CACNA2D3: variants seen among roughly 807,000 people sequenced by gnomAD.
CACNA2D3 encodes voltage-dependent calcium channel subunit alpha-2/delta-3.
CACNA2D3 carries 60 observed loss-of-function variants against 160.6 expected under a neutral mutation model. The ratio of observed to expected loss-of-function variants is 0.37; its 90% CI spans 0.30 to 0.46. The LOEUF is 0.46. CACNA2D3 is among the 20% of genes least tolerant of loss of function. The probability of loss-of-function intolerance (pLI) is 1.00; values close to 1 mark genes in which losing one functional copy is unlikely to be tolerated. For synonymous variants in CACNA2D3, 558 were observed against 492.9 expected (o/e 1.13, Z -1.75); for missense variants, 1,205 against 1,365.0 (o/e 0.88, Z 1.85).
chr3:54,994,053 C>T (rs976817729), intron 31 of CACNA2D3, among the ~76,000 whole-genome samples: 7 of 151,992 alleles, frequency 4.6e-5, no homozygotes, highest in East Asian at 1.9e-4. Context: ...ATGTCCTTGT[C>T]GCTGCACCCC....
At chr3:54,690,045 T>A (rs1221044463) in intron 11 of CACNA2D3, among the ~76,000 whole-genome samples, 1 of 152,036 alleles carries the variant, frequency 6.6e-6, no homozygotes, top group Non-Finnish European at 1.5e-5. Context: ...AACTTTGCAC[T>A]GGTTGTATCA....
intron 2 of CACNA2D3, among the ~76,000 whole-genome samples, chr3:54,179,619 C>T (rs149653280): frequency 2.0e-5 from 3 of 152,212 alleles, no homozygotes; most frequent in East Asian, 1.9e-4. Flanking sequence ...ATGTTAAAAC[C>T]GAATTTGTAT....
intron 4 of CACNA2D3, among the ~76,000 whole-genome samples, chr3:54,479,299 T>C (rs1408705500): frequency 1.3e-5 from 2 of 152,180 alleles, no homozygotes. Flanking sequence ...CTTTCCTTTA[T>C]AAATTACCCA....
At chr3:54,843,501 G>A (rs986519087) in intron 16 of CACNA2D3, among the ~76,000 whole-genome samples, 1 of 152,200 alleles carries the variant, frequency 6.6e-6, no homozygotes, top group Non-Finnish European at 1.5e-5. Flanking sequence ...TGTGCCTTGA[G>A]TGGCAGTGAG....
intron 13 of CACNA2D3, among the ~76,000 whole-genome samples, chr3:54,814,418 G>C (rs963285190): frequency 6.6e-6 from 1 of 152,212 alleles, no homozygotes; most frequent in African/African-American, 2.4e-5. Context: ...GTATCTGGCT[G>C]GTCTGGCCCC....
At chr3:54,264,491 A>T (rs751205834) in intron 2 of CACNA2D3, among the ~76,000 whole-genome samples, 26 of 152,076 alleles carry the variant, frequency 1.7e-4, no homozygotes, top group Admixed American at 3.3e-4. Context: ...TTTTCTTCTT[A>T]TTTGGACCTA....
chr3:54,630,752 C>CT (rs1230798077), intron 10 of CACNA2D3, among the ~76,000 whole-genome samples: 87 of 152,262 alleles, frequency 5.7e-4, no homozygotes, highest in African/African-American at 1.8e-3. Flanking sequence ...ACATGGTGGA[C>CT]TTTTTTATCC....
At chr3:54,338,637 G>A (rs768884801) in intron 3 of CACNA2D3, among the ~76,000 whole-genome samples, 5 of 152,158 alleles carry the variant, frequency 3.3e-5, no homozygotes, top group African/African-American at 7.2e-5. Flanking sequence ...AGGGCTTGTC[G>A]CTTATGGGCC....
rs1284015731 is a variant in CACNA2D3 at position 54,236,444 on chromosome 3, T to C, written c.205-83998T>C. 2.0e-5 allele frequency among the ~76,000 whole-genome samples: 3 copies of C among 152,180 alleles called. No individual in the cohort carries two copies. In the East Asian group the frequency reaches 5.8e-4, roughly 29 times the overall value. On this transcript the variant is annotated intron_variant, in intron 2 of 37. Transcript: ENST00000474759. The stretch of plus-strand genomic sequence containing the variant: ...ATGGCCTTAGCAATTATTCTGTAAA[T>C]CTAAAACTATTCTGAGATAAAGAAG...
intron 35 of CACNA2D3, among the ~76,000 whole-genome samples, chr3:55,050,018 C>G (rs1345792816): frequency 6.6e-6 from 1 of 151,076 alleles, no homozygotes; most frequent in South Asian, 2.1e-4. Context: ...AGATGGGTTT[C>G]CTGAATACAG....
At chr3:54,656,414 C>T (rs1699875297) in intron 11 of CACNA2D3, among the ~76,000 whole-genome samples, 2 of 152,236 alleles carry the variant, frequency 1.3e-5, no homozygotes, top group African/African-American at 4.8e-5. Context: ...CCAACAGAGG[C>T]TGCTGGTCTC....
intron 24 of CACNA2D3, among the ~76,000 whole-genome samples, chr3:54,888,837 T>C (rs1404805751): frequency 6.6e-6 from 1 of 152,222 alleles, no homozygotes; most frequent in East Asian, 1.9e-4. Context: ...CTTGACTGTG[T>C]GTCTGTTATG....
intron 27 of CACNA2D3, among the ~76,000 whole-genome samples, chr3:54,909,429 A>C (rs1700512496): frequency 6.6e-6 from 1 of 151,974 alleles, no homozygotes; most frequent in South Asian, 2.1e-4. Flanking sequence ...TTAAGACTAG[A>C]ATATATGTGA....
intron 4 of CACNA2D3, among the ~76,000 whole-genome samples, chr3:54,463,546 T>C (rs1046660238): frequency 6.6e-6 from 1 of 152,236 alleles, no homozygotes; most frequent in South Asian, 2.1e-4. Flanking sequence ...ACTGATACCC[T>C]TTCTTCCAGT....
At chr3:54,372,299 G>A (rs1325352820) in intron 3 of CACNA2D3, among the ~76,000 whole-genome samples, 1 of 152,196 alleles carries the variant, frequency 6.6e-6, no homozygotes, top group Admixed American at 6.5e-5. Flanking sequence ...CCATTTCTCT[G>A]TGTGTCTTTT....
At chr3:54,501,984 G>A (rs1239597104) in intron 4 of CACNA2D3, among the ~76,000 whole-genome samples, 1 of 152,206 alleles carries the variant, frequency 6.6e-6, no homozygotes, top group Non-Finnish European at 1.5e-5. Flanking sequence ...CTTCTGAAGA[G>A]AAGTCTGATG....
rs114573421 is a variant in CACNA2D3 at position 54,694,670 on chromosome 3, T to C, written c.1167+52429T>C. Among the ~76,000 whole-genome samples the C allele has an allele frequency of 2.7e-3, 416 of 152,292 alleles. 1 individual carries two copies. Among genetic ancestry groups the C allele is most frequent in the Non-Finnish European group, 4.8e-3 (327 of 68,020 alleles). ...AAATACCAAAACTTGAATTCTCAAG[T>C]AGCTCTTTTGAAAAAGTGCCTGAGG... is the stretch of plus-strand genomic sequence containing the variant. On this transcript the variant is annotated intron_variant, in intron 11 of 37. Coordinates refer to ENST00000474759, the MANE Select transcript of CACNA2D3 (RefSeq NM_018398.3).
chr3:54,259,362 G>A (rs1186764733), intron 2 of CACNA2D3, among the ~76,000 whole-genome samples: 2 of 152,174 alleles, frequency 1.3e-5, no homozygotes, highest in Non-Finnish European at 2.9e-5. Context: ...AACACAGCAG[G>A]TGCAGCTCTG....
intron 11 of CACNA2D3, among the ~76,000 whole-genome samples, chr3:54,740,670 C>T (rs1701631737): frequency 6.6e-6 from 1 of 152,158 alleles, no homozygotes; most frequent in Non-Finnish European, 1.5e-5. Context: ...CAATATCCTT[C>T]CAGTTGACTG....
Sources: allele counts gnomAD v4.1 joint callset (sites outside exome capture counted in the v4.1 genomes callset), GRCh38; gene constraint gnomAD v4.1.1; transcripts MANE v1.5; gene names NCBI Gene and HGNC (gene_info 2026-07-23, HGNC 2026-07-21).